The following PAK1 variants were observed in gnomAD, a reference collection of about 807,000 sequenced individuals.
PAK1 encodes the protein p21 (RAC1) activated kinase 1, also known as serine/threonine-protein kinase PAK 1.
In PAK1, 29 loss-of-function variants were observed where a neutral mutation model predicts 67.4. The observed-to-expected ratio is 0.43, with a 90% CI of 0.32 to 0.59. The LOEUF is 0.59. Ranked by LOEUF, PAK1 falls within the 20% of genes least tolerant of loss-of-function variation. The pLI is 0.07. For missense variants in PAK1, 337 were observed against 670.7 expected, an observed-to-expected ratio of 0.50 and a Z score of 5.50; for synonymous variants, 223 against 237.4, an observed-to-expected ratio of 0.94 and a Z score of 0.56.
chr11:77,406,372 T>C (rs898053467), intron 1 of PAK1, among the ~76,000 whole-genome samples: 3 of 152,232 alleles, frequency 2.0e-5, no homozygotes, highest in Non-Finnish European at 4.4e-5. Flanking sequence ...GTTTACTTAT[T>C]ATATATCTCC....
At chr11:77,510,452 A>G in the PAK1 span, among the ~76,000 whole-genome samples, 1 of 152,192 alleles carries the variant, frequency 6.6e-6, no homozygotes, top group Middle Eastern at 3.4e-3. Context: ...GATGGTCTCA[A>G]TCTCTTGATC....
chr11:77,465,003 T>TGG (rs1957530412), intron 1 of PAK1, among the ~76,000 whole-genome samples: 1 of 144,560 alleles, frequency 6.9e-6, no homozygotes, highest in Non-Finnish European at 1.5e-5. Flanking sequence ...TGTGTGTGTG[T>TGG]GTGTGTGTGT....
At chr11:77,400,896 A>T (rs1313745933) in intron 1 of PAK1, among the ~76,000 whole-genome samples, 1 of 152,206 alleles carries the variant, frequency 6.6e-6, no homozygotes, top group Non-Finnish European at 1.5e-5. Context: ...CAGAAGAAGA[A>T]GAAGCAAAGC....
At chr11:77,327,838 G>C (rs1591647753) in intron 14 of PAK1, among the ~76,000 whole-genome samples, 2 of 152,220 alleles carry the variant, frequency 1.3e-5, no homozygotes, top group Middle Eastern at 6.8e-3. Flanking sequence ...ACACAGACTG[G>C]CAGACTGGAT....
At chr11:77,509,147 A>G in the PAK1 span, among the ~76,000 whole-genome samples, 1 of 151,550 alleles carries the variant, frequency 6.6e-6, no homozygotes, top group Non-Finnish European at 1.5e-5. Flanking sequence ...AGTCCCAGCT[A>G]CTCGGGAGGC....
At chr11:77,468,354 A>G (rs1187374906) in intron 1 of PAK1, among the ~76,000 whole-genome samples, 2 of 152,150 alleles carry the variant, frequency 1.3e-5, no homozygotes, top group Non-Finnish European at 2.9e-5. Flanking sequence ...TTACTACTAC[A>G]CTATTCCTCA....
intron 1 of PAK1, among the ~76,000 whole-genome samples, chr11:77,462,832 C>CA (rs1272402181): frequency 0.055 from 5,156 of 93,468 alleles, 349 homozygotes; most frequent in African/African-American, 0.18. Context: ...CCTCCATCTC[C>CA]AAAAAAAAAA....
chr11:77,336,387 C>T, intron 12 of PAK1, 105 bp from the exon 13 acceptor site: 1 of 747,334 alleles, frequency 1.3e-6, no homozygotes, highest in East Asian at 2.6e-5. Context: ...CGCCTGGCTT[C>T]CAGCTCTGCT....
chr11:77,433,967 C>A (rs949851282), intron 1 of PAK1, among the ~76,000 whole-genome samples: 24 of 151,916 alleles, frequency 1.6e-4, no homozygotes, highest in African/African-American at 4.8e-4. Context: ...CACTAAGATG[C>A]CTAAAATAAA....
rs140471491 is a variant in PAK1 at position 77,338,888 on chromosome 11, G to C, written c.1117-1465C>G. 3.4e-4 allele frequency among the ~76,000 whole-genome samples: 52 copies of C among 152,260 alleles called. No individual in the cohort carries two copies. The East Asian group carries it at 9.5e-3, about 28-fold the overall frequency. On this transcript the variant is annotated intron_variant, in intron 11 of 14. Coordinates refer to ENST00000356341, the MANE Select transcript of PAK1 (RefSeq NM_002576.5). ...CCAGTACAGGGAAACTACAGAGGTA[G>C]AAAATAGATTAGTGGTTACATAGGG...
Position 77,451,672 on chromosome 11 carries a change from T to C in PAK1, c.-22+21880A>G. On this transcript the variant is annotated intron_variant, in intron 1 of 14. Transcript: ENST00000356341. The stretch of plus-strand genomic sequence containing the variant: ...TGGAGTGCAGTGGCACGATTTCTGC[T>C]CACTGCAAGCTCCGCCTCCTGGGTT... 1.4e-5 allele frequency among the ~76,000 whole-genome samples: 2 copies of C among 143,364 alleles called. 1 individual carries two copies. The highest frequency in any genetic ancestry group is 3.0e-5 in the Non-Finnish European group (2 of 65,848). The allele number at this position is 143,364 out of a possible 152,430, so 94.1% of individuals were successfully genotyped here. A position where few individuals can be genotyped will look rare whatever the true frequency, so the allele number is the denominator to read the frequency against.
the PAK1 span, among the ~76,000 whole-genome samples, chr11:77,490,347 A>ACG: frequency 4.6e-5 from 2 of 43,342 alleles, no homozygotes; most frequent in African/African-American, 1.2e-4. Flanking sequence ...TCAGCCCCCC[A>ACG]CCCGGCCAGC....
At chr11:77,349,167 C>G in intron 9 of PAK1, 72 bp downstream of exon 9, 1 of 977,984 alleles carries the variant, frequency 1.0e-6, no homozygotes, top group East Asian at 2.7e-5. Flanking sequence ...GTTGACCTAA[C>G]AAGGGCTAAA....
intron 13 of PAK1, 21 bp downstream of exon 13, chr11:77,336,065 A>T (rs764102896): frequency 6.7e-7 from 1 of 1,500,018 alleles, no homozygotes; most frequent in Non-Finnish European, 9.2e-7. Flanking sequence ...AATAACTTGA[A>T]ATAGAACTGG....
intron 11 of PAK1, among the ~76,000 whole-genome samples, chr11:77,339,329 G>T (rs1456689164): frequency 1.3e-5 from 2 of 151,634 alleles, no homozygotes; most frequent in Non-Finnish European, 2.9e-5. Flanking sequence ...AAGGGGGTGG[G>T]GTGAAAAAAA....
At chr11:77,462,821 C>A (rs1326503088) in intron 1 of PAK1, among the ~76,000 whole-genome samples, 2 of 148,462 alleles carry the variant, frequency 1.3e-5, no homozygotes, top group South Asian at 2.1e-4. Flanking sequence ...AACAGAGCGA[C>A]CCTCCATCTC....
intron 13 of PAK1, among the ~76,000 whole-genome samples, chr11:77,334,664 C>A (rs779877085): frequency 6.6e-6 from 1 of 152,166 alleles, no homozygotes; most frequent in East Asian, 1.9e-4. Context: ...AAGGATATCA[C>A]TTCTATGGTT....
the PAK1 span, among the ~76,000 whole-genome samples, chr11:77,510,794 T>C: frequency 6.6e-5 from 10 of 152,308 alleles, no homozygotes; most frequent in African/African-American, 2.2e-4. Context: ...AGCAACCTGT[T>C]CTTATTTTGT....
intron 1 of PAK1, among the ~76,000 whole-genome samples, chr11:77,414,406 G>C (rs1462720872): frequency 5.9e-5 from 9 of 152,208 alleles, no homozygotes; most frequent in Non-Finnish European, 1.2e-4. Context: ...ATATACTAGA[G>C]TCCCAGCAGA....
Sources: allele counts gnomAD v4.1 joint callset (sites outside exome capture counted in the v4.1 genomes callset), GRCh38; gene constraint gnomAD v4.1.1; transcripts MANE v1.5; gene names NCBI Gene and HGNC (gene_info 2026-07-23, HGNC 2026-07-21).